KCNG3: variants seen among roughly 807,000 people sequenced by gnomAD.
KCNG3 encodes voltage-gated potassium channel regulatory subunit KCNG3.
In KCNG3, 15 loss-of-function variants were observed where a neutral mutation model predicts 29.0. The ratio of observed to expected loss-of-function variants is 0.52; its 90% CI spans 0.35 to 0.80. The LOEUF (loss-of-function observed/expected upper bound fraction) is 0.80. Among genes scored for constraint, KCNG3 ranks in the 30% least tolerant of loss-of-function variants. The probability of loss-of-function intolerance (pLI) is 0.01; values close to 1 mark genes in which losing one functional copy is unlikely to be tolerated. For synonymous variants in KCNG3, 322 were observed against 248.9 expected (o/e 1.29, Z -2.76); for missense variants, 512 against 605.7 (o/e 0.85, Z 1.62).
At chr2:42,413,950 A>G in the KCNG3 span, among the ~76,000 whole-genome samples, 6 of 152,200 alleles carry the variant, frequency 3.9e-5, no homozygotes, top group Admixed American at 3.3e-4. Context: ...AAACCATATC[A>G]GTATTTTTCC....
the KCNG3 span, among the ~76,000 whole-genome samples, chr2:42,389,048 G>T: frequency 1.3e-5 from 2 of 152,094 alleles, no homozygotes; most frequent in African/African-American, 4.8e-5. Context: ...CTCCCGAGTA[G>T]CTGGGATTAC....
chr2:42,468,991 C>T (rs10865182), intron 1 of KCNG3, among the ~76,000 whole-genome samples: 122,385 of 143,330 alleles, frequency 0.85, 52,306 homozygotes, highest in Middle Eastern at 0.95. Context: ...ATGCCAACTC[C>T]CTAAATCCAT....
chr2:42,423,024 T>A, the KCNG3 span, among the ~76,000 whole-genome samples: 157 of 152,238 alleles, frequency 1.0e-3, no homozygotes, highest in Non-Finnish European at 1.1e-3. Context: ...TCCACTTCCA[T>A]CTTACAAGCC....
chr2:42,405,051 C>T, the KCNG3 span, among the ~76,000 whole-genome samples: 2 of 152,230 alleles, frequency 1.3e-5, no homozygotes, highest in Non-Finnish European at 2.9e-5. Context: ...ACAACTGCAG[C>T]TAACTAGCAA....
intron 1 of KCNG3, among the ~76,000 whole-genome samples, chr2:42,476,802 T>C (rs72986065): frequency 0.13 from 19,421 of 151,016 alleles, 1,693 homozygotes; most frequent in African/African-American, 0.23. Context: ...AATAAAACAT[T>C]TGTAAAAAGC....
Position 42,493,400 on chromosome 2 carries a change from G to C in KCNG3, c.102C>G (p.Arg34=), listed in dbSNP as rs941992431. The C allele has an allele frequency of 2.0e-6, 3 of 1,517,116 alleles. No individual in the cohort carries two copies. Among genetic ancestry groups the C allele is most frequent in the African/African-American group, 1.4e-5 (1 of 72,668 alleles). The allele number at this position is 1,517,116 out of a possible 1,614,324, so 94.0% of individuals were successfully genotyped here. ...RELLKDFPLR[R]VSRLHGCRSE... ...AGCGGCAGCCGTGCAGCCGGCTCAC[G>C]CGGCGCAGCGGGAAGTCCTTCAGCA... is the stretch of plus-strand genomic sequence containing the variant. Residue 34 remains arginine (R), a synonymous_variant, in exon 1 of 2, where the codon CGC becomes CGG. Coordinates refer to ENST00000306078, the MANE Select transcript of KCNG3 (RefSeq NM_133329.6).
chr2:42,485,551 T>C (rs1477732330), intron 1 of KCNG3, among the ~76,000 whole-genome samples: 2 of 151,994 alleles, frequency 1.3e-5, no homozygotes, highest in African/African-American at 2.4e-5. Flanking sequence ...TTCACGCCAT[T>C]CTCCCACCTC....
intron 1 of KCNG3, among the ~76,000 whole-genome samples, chr2:42,468,439 T>C (rs557789308): frequency 6.6e-6 from 1 of 152,262 alleles, no homozygotes; most frequent in East Asian, 1.9e-4. Flanking sequence ...CAAAATCAAC[T>C]GTACAGCTAT....
the KCNG3 span, among the ~76,000 whole-genome samples, chr2:42,419,885 C>T: frequency 6.6e-6 from 1 of 152,330 alleles, no homozygotes; most frequent in African/African-American, 2.4e-5. Context: ...GCCGGTCAGT[C>T]TGTAACCAGA....
In KCNG3 at chr2:42,493,218, TAGA is replaced by T. The variant is rs759396950; in HGVS notation, c.281_283del (p.Phe94del). The T allele has an allele frequency of 7.4e-6, 12 of 1,611,238 alleles. No individual in the cohort carries two copies. Among genetic ancestry groups the T allele is most frequent in the African/African-American group, 5.3e-5 (4 of 74,860 alleles). On this transcript the variant is annotated inframe_deletion, in exon 1 of 2. Transcript: ENST00000306078. ...CAGGCCCCAGTAGATCATCTCGTTG[TAGA>T]AGGAGAGCTCGCACATCCGCGGCGC...
At chr2:42,475,067 CAAAGGTTTA>C (rs1397120032) in intron 1 of KCNG3, among the ~76,000 whole-genome samples, 1 of 152,148 alleles carries the variant, frequency 6.6e-6, no homozygotes, top group African/African-American at 2.4e-5. Context: ...ACTTCTATAA[CAAAGGTTTA>C]AAAGGACCTA....
chr2:42,399,056 C>CTTTTTTTTTTTTTTTTTTTTTTTTTTTT, the KCNG3 span, among the ~76,000 whole-genome samples: 4 of 107,630 alleles, frequency 3.7e-5, no homozygotes, highest in Non-Finnish European at 5.5e-5. Context: ...TTTTTCTTTT[C>CTTTTTTTTTTTTTTTTTTTTTTTTTTTT]TTTTTTTTTT....
At chr2:42,431,181 G>A in the KCNG3 span, among the ~76,000 whole-genome samples, 3 of 151,780 alleles carry the variant, frequency 2.0e-5, no homozygotes, top group Admixed American at 2.0e-4. Flanking sequence ...ATTACTAGGA[G>A]TTGTAGCCAT....
intron 1 of KCNG3, among the ~76,000 whole-genome samples, chr2:42,465,593 AAAAAGTAGT>A (rs1401009836): frequency 6.6e-6 from 1 of 152,246 alleles, no homozygotes; most frequent in Non-Finnish European, 1.5e-5. Flanking sequence ...CATAGGGCAC[AAAAAGTAGT>A]AATCATGAAA....
downstream of KCNG3, among the ~76,000 whole-genome samples, chr2:42,439,344 C>G (rs949183141): frequency 6.6e-5 from 10 of 151,782 alleles, no homozygotes; most frequent in Non-Finnish European, 1.0e-4. Flanking sequence ...TCACTGGAAC[C>G]TCCACCTGCC....
chr2:42,445,958 G>A (rs1008727530), intron 1 of KCNG3, among the ~76,000 whole-genome samples: 32 of 151,428 alleles, frequency 2.1e-4, no homozygotes, highest in Admixed American at 1.1e-3. Flanking sequence ...AACTCCTTAC[G>A]TCAGTTGTTC....
At chr2:42,452,076 A>C (rs567424596) in intron 1 of KCNG3, among the ~76,000 whole-genome samples, 45 of 152,086 alleles carry the variant, frequency 3.0e-4, no homozygotes, top group African/African-American at 8.4e-4. Flanking sequence ...CCCAACTAAA[A>C]AATGGACAAA....
chr2:42,419,638 G>C, the KCNG3 span, among the ~76,000 whole-genome samples: 1 of 152,140 alleles, frequency 6.6e-6, no homozygotes, highest in Non-Finnish European at 1.5e-5. Context: ...ACCAGAACTG[G>C]AAAGCCCAAC....
At chr2:42,402,057 ACTG>A in the KCNG3 span, among the ~76,000 whole-genome samples, 1 of 152,178 alleles carries the variant, frequency 6.6e-6, no homozygotes, top group African/African-American at 2.4e-5. Context: ...GAATCAGCAC[ACTG>A]AGTAAAGATC....
Sources: gnomAD v4.1 joint callset for allele counts (sites outside exome capture counted in the v4.1 genomes callset) on GRCh38, gnomAD v4.1.1 for gene constraint, MANE v1.5 for transcripts, NCBI Gene and HGNC (gene_info 2026-07-23, HGNC 2026-07-21) for gene names.